Variants in AFF2 observed in about 807,000 individuals in gnomAD.
AFF2 encodes the protein ALF transcription elongation factor 2.
AFF2 carries 14 observed loss-of-function variants against 76.9 expected under a neutral mutation model. That is an observed-to-expected ratio of 0.18 (90% confidence interval 0.12 to 0.28). The LOEUF (loss-of-function observed/expected upper bound fraction) is 0.28, where lower values mean the gene tolerates loss of function less well. AFF2 is among the 10% of genes least tolerant of loss of function. The pLI is 1.00. For synonymous variants in AFF2, 398 were observed against 366.7 expected (o/e 1.09, Z -0.98); for missense variants, 868 against 1,001.1 (o/e 0.87, Z 1.79).
intron 4 of AFF2, among the ~76,000 whole-genome samples, chrX:148,819,596 C>A (rs1557272404): frequency 9.0e-6 from 1 of 111,263 alleles, no homozygotes; most frequent in Non-Finnish European, 1.9e-5. Context: ...CAAATATTTT[C>A]TCTCGGGCTG....
chrX:148,886,472 G>C (rs1294903168), intron 8 of AFF2, among the ~76,000 whole-genome samples: 1 of 111,834 alleles, frequency 8.9e-6, no homozygotes, highest in Non-Finnish European at 1.9e-5. Context: ...GAACCTTTAG[G>C]CAGAAGACAT....
At chrX:148,773,458 G>C (rs1557268247) in intron 3 of AFF2, among the ~76,000 whole-genome samples, 1 of 110,173 alleles carries the variant, frequency 9.1e-6, no homozygotes, top group African/African-American at 3.3e-5. Context: ...CTTAAAACCA[G>C]TTGAGGGCCA....
In AFF2 at chrX:148,995,358, A is replaced by G. The variant is rs2124445246; in HGVS notation, c.*4026A>G. 1.8e-5 allele frequency: 2 copies of G among 109,678 alleles called. No individual in the cohort carries two copies. Among genetic ancestry groups the G allele is most frequent in the East Asian group, 5.8e-4 (2 of 3,431 alleles). The allele number at this position is 109,678 out of a possible 1,213,427, so 9.0% of individuals were successfully genotyped here. ...TATTTTTGGTGAAGGAAAAAGTATT[A>G]ATTCTCTTTCCATCCTCCTCCTCAG... On this transcript the variant is annotated 3_prime_UTR_variant, in exon 21 of 21. Transcript: ENST00000370460.
At chrX:148,647,108 A>G (rs1289230670) in intron 1 of AFF2, among the ~76,000 whole-genome samples, 2 of 112,290 alleles carry the variant, frequency 1.8e-5, no homozygotes, top group African/African-American at 6.5e-5. Context: ...TACACATGTT[A>G]TAGAAGGCAG....
intron 1 of AFF2, among the ~76,000 whole-genome samples, chrX:148,635,137 A>T (rs1417638033): frequency 9.0e-6 from 1 of 111,622 alleles, no homozygotes; most frequent in Non-Finnish European, 1.9e-5. Context: ...GATGTGATTA[A>T]GTTAAGAATC....
At chrX:148,712,702 G>C (rs782056301) in intron 3 of AFF2, among the ~76,000 whole-genome samples, 169 of 112,238 alleles carry the variant, frequency 1.5e-3, no homozygotes, top group Non-Finnish European at 2.6e-3. Context: ...TTTGAAGAGA[G>C]AGGCTGTTGT....
chrX:148,641,437 G>T (rs184654974), intron 1 of AFF2, among the ~76,000 whole-genome samples: 10 of 111,841 alleles, frequency 8.9e-5, no homozygotes, highest in Admixed American at 8.5e-4. Flanking sequence ...GGAGAAAGAA[G>T]AATGAGTTGG....
chrX:148,621,955 A>C (rs984130728), intron 1 of AFF2, among the ~76,000 whole-genome samples: 6 of 112,217 alleles, frequency 5.3e-5, no homozygotes, highest in African/African-American at 1.9e-4. Context: ...TTAACATGTC[A>C]AGAGCATTAG....
At chrX:148,554,805 G>C (rs1557239443) in intron 1 of AFF2, among the ~76,000 whole-genome samples, 1 of 112,031 alleles carries the variant, frequency 8.9e-6, no homozygotes, top group African/African-American at 3.2e-5. Flanking sequence ...GGCCAGAACC[G>C]GGTCTGGCAC....
chrX:148,938,542 G>T (rs190276347), intron 9 of AFF2, among the ~76,000 whole-genome samples: 5 of 112,063 alleles, frequency 4.5e-5, no homozygotes, highest in Admixed American at 2.8e-4. Flanking sequence ...CGTATTAAAG[G>T]AAAGTAAAAC....
At chrX:148,941,701 G>A (rs192422204) in intron 9 of AFF2, among the ~76,000 whole-genome samples, 1 of 107,124 alleles carries the variant, frequency 9.3e-6, no homozygotes, top group East Asian at 3.0e-4. Context: ...TGGGCACTGT[G>A]TCATATGGCC....
At chrX:148,568,303 T>A (rs1005078860) in intron 1 of AFF2, among the ~76,000 whole-genome samples, 4 of 111,920 alleles carry the variant, frequency 3.6e-5, no homozygotes, top group Non-Finnish European at 7.5e-5. Flanking sequence ...TTGGATTGTA[T>A]GACAATTTGT....
At chrX:148,781,461 C>T (rs1278972940) in intron 3 of AFF2, among the ~76,000 whole-genome samples, 12 of 112,257 alleles carry the variant, frequency 1.1e-4, no homozygotes, top group Admixed American at 2.8e-4. Context: ...CTGACTATAC[C>T]GGCTTTGTGG....
intron 3 of AFF2, among the ~76,000 whole-genome samples, chrX:148,755,558 C>G (rs1415446212): frequency 2.7e-5 from 3 of 111,791 alleles, no homozygotes; most frequent in Non-Finnish European, 5.6e-5. Flanking sequence ...CTGCATATGT[C>G]CAGATACTCT....
chrX:148,818,527 A>G (rs1429797263), intron 4 of AFF2, among the ~76,000 whole-genome samples: 1 of 112,182 alleles, frequency 8.9e-6, no homozygotes, highest in Non-Finnish European at 1.9e-5. Flanking sequence ...CACGCCATAC[A>G]AAAACATTAC....
chrX:148,685,843 A>G (rs918924264), intron 3 of AFF2, among the ~76,000 whole-genome samples: 1 of 110,600 alleles, frequency 9.0e-6, no homozygotes. Flanking sequence ...GGGCTTTGAC[A>G]TAGAATGTGT....
At chrX:148,559,053 G>A (rs1557240068) in intron 1 of AFF2, among the ~76,000 whole-genome samples, 1 of 111,217 alleles carries the variant, frequency 9.0e-6, no homozygotes, top group African/African-American at 3.3e-5. Context: ...TCCTGTAAGA[G>A]AAGCTAGTTT....
intron 7 of AFF2, among the ~76,000 whole-genome samples, chrX:148,865,569 G>A (rs1157628484): frequency 4.5e-5 from 5 of 111,812 alleles, no homozygotes; most frequent in African/African-American, 1.6e-4. Flanking sequence ...ACACAGAATA[G>A]GTTCAATTAA....
intron 1 of AFF2, among the ~76,000 whole-genome samples, chrX:148,524,291 T>C: frequency 9.0e-6 from 1 of 111,286 alleles, no homozygotes. Context: ...AATTTGCCCA[T>C]TCTAAACAAT....
Sources: gnomAD v4.1 joint callset for allele counts (sites outside exome capture counted in the v4.1 genomes callset) on GRCh38, gnomAD v4.1.1 for gene constraint, MANE v1.5 for transcripts, NCBI Gene and HGNC (gene_info 2026-07-23, HGNC 2026-07-21) for gene names.